The following LRBA variants were observed in gnomAD, a reference collection of about 807,000 sequenced individuals.
LRBA encodes the protein LPS responsive beige-like anchor protein, also known as lipopolysaccharide-responsive and beige-like anchor protein.
A neutral mutation model predicts 330.0 loss-of-function variants in LRBA; 176 were observed. The ratio of observed to expected loss-of-function variants is 0.53; its 90% CI spans 0.47 to 0.60. The LOEUF is 0.60. Ranked by LOEUF, LRBA falls within the 20% of genes least tolerant of loss-of-function variation. LRBA has a pLI of 0.00. For synonymous variants in LRBA, 1,230 were observed against 1,193.0 expected (o/e 1.03, Z -0.64); for missense variants, 3,259 against 3,444.8 (o/e 0.95, Z 1.35).
In LRBA at chr4:150,782,382, T is replaced by C. The variant is rs150651741; in HGVS notation, c.5580+15699A>G. Among the ~76,000 whole-genome samples the C allele has an allele frequency of 8.1e-4, 124 of 152,318 alleles. 1 individual carries two copies. The highest frequency in any genetic ancestry group is 1.2e-3 in the Non-Finnish European group (83 of 68,026). The stretch of plus-strand genomic sequence containing the variant: ...TACTATAAATTTGTTTTCTCATAAT[T>C]CTAAAGGCCAGAAGTCTGAAATCAG... On this transcript the variant is annotated intron_variant, in intron 34 of 56. Transcript: ENST00000651943.
At chr4:150,528,483 A>G (rs1763713580) in intron 40 of LRBA, among the ~76,000 whole-genome samples, 1 of 146,804 alleles carries the variant, frequency 6.8e-6, no homozygotes, top group Non-Finnish European at 1.5e-5. Flanking sequence ...CCTGGGGGAC[A>G]GAGCAAGACT....
chr4:150,712,767 GA>G (rs1786351938), intron 36 of LRBA, among the ~76,000 whole-genome samples: 1 of 152,046 alleles, frequency 6.6e-6, no homozygotes, highest in Non-Finnish European at 1.5e-5. Flanking sequence ...CTTTATCAAA[GA>G]ATACTACCAA....
chr4:150,366,231 A>G (rs1216920625), intron 47 of LRBA, among the ~76,000 whole-genome samples: 6 of 152,204 alleles, frequency 3.9e-5, no homozygotes, highest in Admixed American at 3.3e-4. Flanking sequence ...GGTAAGACAT[A>G]TTAGAATACT....
chr4:150,894,214 T>G (rs1007765074), intron 16 of LRBA, among the ~76,000 whole-genome samples: 1 of 152,206 alleles, frequency 6.6e-6, no homozygotes, highest in African/African-American at 2.4e-5. Flanking sequence ...TAAGATATTA[T>G]GTATCATTTC....
intron 2 of LRBA, among the ~76,000 whole-genome samples, chr4:150,972,540 T>C (rs747205927): frequency 1.5e-4 from 23 of 152,158 alleles, no homozygotes; most frequent in Non-Finnish European, 2.8e-4. Flanking sequence ...TGTAACAAAA[T>C]ACCATATGTA....
At chr4:150,601,964 T>G (rs1581787657) in intron 37 of LRBA, among the ~76,000 whole-genome samples, 1 of 150,892 alleles carries the variant, frequency 6.6e-6, no homozygotes, top group East Asian at 2.0e-4. Flanking sequence ...GTGCTGGGAT[T>G]ACAAGTGTGA....
chr4:150,706,892 C>G (rs1184995949), intron 36 of LRBA, among the ~76,000 whole-genome samples: 1 of 151,588 alleles, frequency 6.6e-6, no homozygotes, highest in Non-Finnish European at 1.5e-5. Context: ...AATTAAAACT[C>G]TACACTACCA....
intron 46 of LRBA, among the ~76,000 whole-genome samples, chr4:150,434,070 G>A (rs1432602853): frequency 6.6e-6 from 1 of 152,054 alleles, no homozygotes; most frequent in Non-Finnish European, 1.5e-5. Flanking sequence ...GTACTCTACA[G>A]TAACATACAC....
intron 2 of LRBA, among the ~76,000 whole-genome samples, chr4:150,979,648 T>C (rs1359067250): frequency 1.3e-5 from 2 of 152,194 alleles, no homozygotes; most frequent in Non-Finnish European, 2.9e-5. Flanking sequence ...GTTTTCTTTT[T>C]GCTTCTTTGT....
At position 150,828,573 on chromosome 4, in the gene LRBA, T is replaced by C; in HGVS notation, c.4778A>G (p.Glu1593Gly). The change falls in exon 30 of 57, where the codon GAA becomes GGA. Residue 1593 changes from glutamate to glycine, a missense_variant. Physicochemically the swap from Glu to Gly is moderately conservative, Grantham distance 98 (BLOSUM62 -2). Coordinates refer to ENST00000651943, the MANE Select transcript of LRBA (RefSeq NM_001364905.1). ...FSTLTTASVE[E>G]SESTSSARRR... ...TCGAGCAGATGATGTGCTTTCAGATTCTTCCACTGATGCCGTAGTTAAAGT... is the reference window on the plus strand; with the variant it reads ...TCGAGCAGATGATGTGCTTTCAGATCCTTCCACTGATGCCGTAGTTAAAGT... The C allele has an allele frequency of 6.2e-7, 1 of 1,614,090 alleles. No homozygotes were observed. Among genetic ancestry groups the C allele is most frequent in the South Asian group, 1.1e-5 (1 of 91,074 alleles).
At chr4:150,335,110 A>T (rs190822131) in intron 48 of LRBA, among the ~76,000 whole-genome samples, 3 of 152,154 alleles carry the variant, frequency 2.0e-5, no homozygotes, top group Non-Finnish European at 4.4e-5. Context: ...GATTACAGGC[A>T]TAAGCCAACA....
intron 38 of LRBA, among the ~76,000 whole-genome samples, chr4:150,592,153 T>G (rs1246428589): frequency 2.8e-5 from 4 of 141,902 alleles, no homozygotes; most frequent in Non-Finnish European, 3.1e-5. Context: ...GGTTTTTTTT[T>G]TTTTTTTTTT....
At chr4:150,648,393 A>C (rs1347965980) in intron 37 of LRBA, among the ~76,000 whole-genome samples, 1 of 151,878 alleles carries the variant, frequency 6.6e-6, no homozygotes, top group Non-Finnish European at 1.5e-5. Flanking sequence ...GATCTAAGAA[A>C]CCTGACTGAA....
intron 47 of LRBA, among the ~76,000 whole-genome samples, chr4:150,411,357 G>A (rs949583310): frequency 1.3e-5 from 2 of 152,068 alleles, no homozygotes; most frequent in African/African-American, 2.4e-5. Context: ...AGCATTACTG[G>A]TTCACTACCA....
intron 32 of LRBA, 124 bp downstream of exon 32, chr4:150,808,196 T>C: frequency 1.6e-6 from 1 of 636,564 alleles, no homozygotes; most frequent in South Asian, 2.2e-5. Context: ...AGCCTCTAAA[T>C]GTCATATATG....
At chr4:150,806,766 A>G (rs908809334) in intron 32 of LRBA, among the ~76,000 whole-genome samples, 3 of 151,948 alleles carry the variant, frequency 2.0e-5, no homozygotes, top group African/African-American at 7.2e-5. Flanking sequence ...AACCATTAGC[A>G]CACTGAGTTC....
chr4:150,745,035 G>T (rs1365435698), intron 35 of LRBA, among the ~76,000 whole-genome samples: 1 of 152,150 alleles, frequency 6.6e-6, no homozygotes, highest in Non-Finnish European at 1.5e-5. Context: ...CAGCCTGTAG[G>T]ATCTGAGAGC....
At chr4:150,962,951 C>T (rs1174613291) in intron 2 of LRBA, among the ~76,000 whole-genome samples, 1 of 143,134 alleles carries the variant, frequency 7.0e-6, no homozygotes, top group Non-Finnish European at 1.5e-5. Flanking sequence ...CAGACTCTGT[C>T]TGAAAAAAAT....
chr4:150,325,615 G>A (rs1293660139), intron 49 of LRBA, among the ~76,000 whole-genome samples, 194 bp downstream of exon 49: 1 of 152,088 alleles, frequency 6.6e-6, no homozygotes, highest in African/African-American at 2.4e-5. Context: ...GAGCACTGGA[G>A]CAACATTTAC....
Sources: gnomAD v4.1 joint callset for allele counts (sites outside exome capture counted in the v4.1 genomes callset) on GRCh38, gnomAD v4.1.1 for gene constraint, MANE v1.5 for transcripts, NCBI Gene and HGNC (gene_info 2026-07-23, HGNC 2026-07-21) for gene names.